The following OXR1 variants were observed in gnomAD, a reference collection of about 807,000 sequenced individuals.
OXR1 encodes oxidation resistance 1.
In OXR1, 41 loss-of-function variants were observed where a neutral mutation model predicts 104.6. That is an observed-to-expected ratio of 0.39 (90% CI 0.31 to 0.51). The LOEUF (loss-of-function observed/expected upper bound fraction) is 0.51. OXR1 is among the 20% of genes least tolerant of loss of function. The probability of loss-of-function intolerance (pLI) is 0.77; values close to 1 mark genes in which losing one functional copy is unlikely to be tolerated. For missense variants in OXR1, 955 were observed against 1,031.9 expected, an observed-to-expected ratio of 0.93 and a Z score of 1.02; for synonymous variants, 348 against 348.4, an observed-to-expected ratio of 1.00 and a Z score of 0.01.
chr8:106,291,492 A>C (rs1812748826), intron 1 of OXR1, among the ~76,000 whole-genome samples: 1 of 152,190 alleles, frequency 6.6e-6, no homozygotes, highest in Non-Finnish European at 1.5e-5. Flanking sequence ...AGTAAATATA[A>C]ACAAACAAAA....
chr8:106,490,756 C>T (rs565420597), intron 2 of OXR1, among the ~76,000 whole-genome samples: 1 of 152,066 alleles, frequency 6.6e-6, no homozygotes, highest in African/African-American at 2.4e-5. Flanking sequence ...GGCAAGCACC[C>T]CGGGGAAATA....
intron 3 of OXR1, among the ~76,000 whole-genome samples, chr8:106,628,155 T>C (rs1205888376): frequency 6.6e-6 from 1 of 152,194 alleles, no homozygotes; most frequent in Non-Finnish European, 1.5e-5. Flanking sequence ...TCAGGGTTTC[T>C]AACCTATATT....
At chr8:106,286,973 A>G (rs537752682) in intron 1 of OXR1, among the ~76,000 whole-genome samples, 28 of 152,322 alleles carry the variant, frequency 1.8e-4, no homozygotes, top group Admixed American at 3.9e-4. Flanking sequence ...GCTAGAAAAT[A>G]GGAGTCAGTC....
intron 3 of OXR1, among the ~76,000 whole-genome samples, chr8:106,671,553 G>A (rs182259622): frequency 1.3e-5 from 2 of 152,154 alleles, no homozygotes; most frequent in Admixed American, 1.3e-4. Context: ...CAATAGCAAA[G>A]ACTTGGAACC....
intron 3 of OXR1, among the ~76,000 whole-genome samples, chr8:106,594,653 A>C (rs932943446): frequency 6.6e-6 from 1 of 152,216 alleles, no homozygotes; most frequent in African/African-American, 2.4e-5. Context: ...ACCTAAAAAA[A>C]TAAGAGGAGG....
intron 2 of OXR1, among the ~76,000 whole-genome samples, chr8:106,404,767 A>G (rs976426852): frequency 2.6e-5 from 4 of 151,786 alleles, no homozygotes; most frequent in Non-Finnish European, 5.9e-5. Flanking sequence ...GTGCAATGGC[A>G]CAATCTTGGC....
chr8:106,476,594 C>T (rs941234166), intron 2 of OXR1, among the ~76,000 whole-genome samples: 1 of 151,938 alleles, frequency 6.6e-6, no homozygotes, highest in East Asian at 2.0e-4. Context: ...TGGCATTTTT[C>T]CCCCCAGAAT....
intron 11 of OXR1, among the ~76,000 whole-genome samples, chr8:106,736,367 A>G (rs973254592): frequency 2.6e-5 from 4 of 152,130 alleles, no homozygotes; most frequent in Non-Finnish European, 1.5e-5. Flanking sequence ...ATAGCTTTTC[A>G]TAGTTACCTT....
intron 2 of OXR1, among the ~76,000 whole-genome samples, chr8:106,492,841 A>G (rs1339074134): frequency 6.6e-6 from 1 of 152,196 alleles, no homozygotes; most frequent in Admixed American, 6.5e-5. Context: ...TAAGACTTCA[A>G]CGAACTTTCA....
Position 106,382,493 on chromosome 8 carries a change from T to C in OXR1, c.23+22857T>C, listed in dbSNP as rs60554121. Reference sequence around the variant, plus strand: ...ATAACTAACATTGATCTAGAGCTGCTTGTGGAGCTGTCCCAGTCACAGGCC... The same window carrying C: ...ATAACTAACATTGATCTAGAGCTGCCTGTGGAGCTGTCCCAGTCACAGGCC... On this transcript the variant is annotated intron_variant, in intron 2 of 16. Coordinates refer to ENST00000517566, the MANE Select transcript of OXR1 (RefSeq NM_001198533.2). Among the ~76,000 whole-genome samples the C allele has an allele frequency of 9.4e-3, 1,429 of 152,242 alleles. 30 individuals are homozygous for C. The highest frequency in any genetic ancestry group is 0.033 in the African/African-American group (1,376 of 41,546).
chr8:106,495,429 T>C (rs1811351801), intron 2 of OXR1, among the ~76,000 whole-genome samples: 1 of 152,166 alleles, frequency 6.6e-6, no homozygotes, highest in African/African-American at 2.4e-5. Flanking sequence ...GGGATAATTT[T>C]CTGAGGTTTT....
At chr8:106,668,244 A>G (rs749826942) in intron 3 of OXR1, among the ~76,000 whole-genome samples, 1 of 152,090 alleles carries the variant, frequency 6.6e-6, no homozygotes, top group Non-Finnish European at 1.5e-5. Context: ...GGAGTTTTTG[A>G]TACAATTGGC....
rs548492513 is a variant in OXR1 at position 106,417,651 on chromosome 8, A to G, written c.23+58015A>G. Among the ~76,000 whole-genome samples the G allele has an allele frequency of 2.5e-4, 38 of 152,164 alleles. 1 individual carries two copies. The highest frequency in any genetic ancestry group is 1.4e-3 in the Admixed American group (22 of 15,252). On this transcript the variant is annotated intron_variant, in intron 2 of 16. Coordinates refer to ENST00000517566, the MANE Select transcript of OXR1 (RefSeq NM_001198533.2). ...ACAGAAAAATGTCTTAAGTTTCCCA[A>G]TCAGCCCAATTTTGTGATGTAAACA...
chr8:106,608,963 G>A (rs544108032), intron 3 of OXR1, among the ~76,000 whole-genome samples: 3 of 152,230 alleles, frequency 2.0e-5, no homozygotes, highest in African/African-American at 2.4e-5. Flanking sequence ...CTCCTTAAAG[G>A]TGACTGAAAT....
At chr8:106,617,071 G>C (rs1821298450) in intron 3 of OXR1, among the ~76,000 whole-genome samples, 1 of 152,230 alleles carries the variant, frequency 6.6e-6, no homozygotes, top group African/African-American at 2.4e-5. Flanking sequence ...GACATAAACA[G>C]TAAGTCAGAA....
chr8:106,707,389 T>C, intron 9 of OXR1: 3 of 618,520 alleles, frequency 4.9e-6, no homozygotes, highest in Non-Finnish European at 2.8e-6. Context: ...CATTCTTGGC[T>C]CACTACATCG....
At chr8:106,280,922 A>G (rs1812254595) in intron 1 of OXR1, among the ~76,000 whole-genome samples, 1 of 152,164 alleles carries the variant, frequency 6.6e-6, no homozygotes. Flanking sequence ...ACCTTTACTT[A>G]GTACTTATCA....
chr8:106,406,959 C>A (rs1435013464), intron 2 of OXR1, among the ~76,000 whole-genome samples: 1 of 152,114 alleles, frequency 6.6e-6, no homozygotes, highest in Non-Finnish European at 1.5e-5. Context: ...ACTGCAATTA[C>A]TTCTGCACTA....
intron 3 of OXR1, among the ~76,000 whole-genome samples, chr8:106,561,324 G>A (rs1816664371): frequency 6.6e-6 from 1 of 152,092 alleles, no homozygotes; most frequent in Non-Finnish European, 1.5e-5. Context: ...GCTTGAGTAG[G>A]CTGTTTTCCC....
Sources: allele counts gnomAD v4.1 joint callset (sites outside exome capture counted in the v4.1 genomes callset), GRCh38; gene constraint gnomAD v4.1.1; transcripts MANE v1.5; gene names NCBI Gene and HGNC (gene_info 2026-07-23, HGNC 2026-07-21).